Variants in CACNA2D3 observed in about 807,000 individuals in gnomAD.
CACNA2D3 encodes the protein voltage-dependent calcium channel subunit alpha-2/delta-3.
A neutral mutation model predicts 160.6 loss-of-function variants in CACNA2D3; 60 were observed. The observed-to-expected ratio is 0.37, with a 90% confidence interval of 0.30 to 0.46. The LOEUF is 0.46. Ranked by LOEUF, CACNA2D3 falls within the 20% of genes least tolerant of loss-of-function variation. The probability of loss-of-function intolerance (pLI) is 1.00; values close to 1 mark genes in which losing one functional copy is unlikely to be tolerated. For synonymous variants in CACNA2D3, 558 were observed against 492.9 expected (o/e 1.13, Z -1.75); for missense variants, 1,205 against 1,365.0 (o/e 0.88, Z 1.85).
intron 2 of CACNA2D3, among the ~76,000 whole-genome samples, chr3:54,308,245 G>T (rs1012022015): frequency 6.6e-6 from 1 of 152,196 alleles, no homozygotes; most frequent in Non-Finnish European, 1.5e-5. Context: ...GATTTAAGCT[G>T]CTTCTTCCAT....
At position 54,511,803 on chromosome 3, in the gene CACNA2D3, T is replaced by C. The variant is rs141633580; in HGVS notation, c.544+8149T>C. The stretch of plus-strand genomic sequence containing the variant: ...TACAGTAATAGTAGGGAGCTGGAGT[T>C]TGTAGATGATTTATTTTTAAAAAAT... On this transcript the variant is annotated intron_variant, in intron 5 of 37. Coordinates refer to ENST00000474759, the MANE Select transcript of CACNA2D3 (RefSeq NM_018398.3). Among the ~76,000 whole-genome samples, 1,160 of 152,216 alleles carry C rather than the reference T, an allele frequency of 7.6e-3. 7 individuals are homozygous for C. Among genetic ancestry groups the C allele is most frequent in the Admixed American group, 0.014 (210 of 15,292 alleles).
intron 13 of CACNA2D3, among the ~76,000 whole-genome samples, chr3:54,786,487 C>T (rs1233850495): frequency 6.6e-6 from 1 of 152,190 alleles, no homozygotes; most frequent in Non-Finnish European, 1.5e-5. Flanking sequence ...AGTTATTATA[C>T]AATACAGTAT....
chr3:55,059,371 A>G (rs1704444667), intron 35 of CACNA2D3, among the ~76,000 whole-genome samples: 2 of 152,170 alleles, frequency 1.3e-5, no homozygotes, highest in Admixed American at 6.5e-5. Flanking sequence ...GCCCAAACAC[A>G]TTTCCACATG....
chr3:54,200,676 C>T (rs555192025), intron 2 of CACNA2D3, among the ~76,000 whole-genome samples: 1 of 152,326 alleles, frequency 6.6e-6, no homozygotes, highest in African/African-American at 2.4e-5. Flanking sequence ...TTTCTCATTT[C>T]AGCATCCATT....
At chr3:54,392,595 C>G (rs1699300303) in intron 4 of CACNA2D3, among the ~76,000 whole-genome samples, 1 of 152,126 alleles carries the variant, frequency 6.6e-6, no homozygotes, top group African/African-American at 2.4e-5. Flanking sequence ...AGCACACTTC[C>G]TCCTGGTCCT....
In CACNA2D3 at chr3:54,900,160, T is replaced by C. The variant is rs1279975247; in HGVS notation, c.2449+292T>C. ...GAGAATTTCTTGATGGTAGGTAGCATGTTCATTCAAAGTAAACTCCAGATC... is the reference window on the plus strand; with the variant it reads ...GAGAATTTCTTGATGGTAGGTAGCACGTTCATTCAAAGTAAACTCCAGATC... On this transcript the variant is annotated intron_variant, in intron 27 of 37. Transcript: ENST00000474759. Among the ~76,000 whole-genome samples, 6 of 152,192 alleles carry C rather than the reference T, an allele frequency of 3.9e-5. No individual in the cohort carries two copies. In the East Asian group the frequency reaches 1.2e-3, roughly 29 times the overall value.
chr3:54,606,392 GGT>G (rs1698626199), intron 9 of CACNA2D3, among the ~76,000 whole-genome samples: 2 of 152,066 alleles, frequency 1.3e-5, no homozygotes, highest in African/African-American at 4.8e-5. Context: ...CCAGTTAGAA[GGT>G]TACTGCCAAG....
rs539344034 is a variant in CACNA2D3, at chr3:54,834,365, G to A, written c.1399-2794G>A. ...CTTTATAGCATTAACGATTAATCAAGGAGTCAGAATATGGGAAGACTTCTA... is the reference window on the plus strand; with the variant it reads ...CTTTATAGCATTAACGATTAATCAAAGAGTCAGAATATGGGAAGACTTCTA... On this transcript the variant is annotated intron_variant, in intron 14 of 37. Coordinates refer to ENST00000474759, the MANE Select transcript of CACNA2D3 (RefSeq NM_018398.3). 4.1e-4 allele frequency among the ~76,000 whole-genome samples: 63 copies of A among 152,306 alleles called. No individual in the cohort carries two copies. The South Asian group carries it at 0.013, about 31-fold the overall frequency.
chr3:54,493,184 TCTC>T (rs1423981493), intron 4 of CACNA2D3, among the ~76,000 whole-genome samples: 1 of 146,472 alleles, frequency 6.8e-6, no homozygotes, highest in African/African-American at 2.5e-5. Flanking sequence ...TTCAAGCAAT[TCTC>T]CTGCCTCAGC....
chr3:54,591,341 T>G (rs1213041655), intron 9 of CACNA2D3, among the ~76,000 whole-genome samples: 2 of 152,084 alleles, frequency 1.3e-5, no homozygotes, highest in Non-Finnish European at 2.9e-5. Flanking sequence ...TCTGGAGCCA[T>G]GATTGAATCT....
intron 2 of CACNA2D3, among the ~76,000 whole-genome samples, chr3:54,290,809 A>G (rs936538313): frequency 6.6e-6 from 1 of 152,158 alleles, no homozygotes; most frequent in South Asian, 2.1e-4. Context: ...TATCGCAAGG[A>G]TAAAAAACCA....
At chr3:54,904,407 C>T (rs1183849859) in intron 27 of CACNA2D3, among the ~76,000 whole-genome samples, 3 of 152,114 alleles carry the variant, frequency 2.0e-5, no homozygotes, top group Admixed American at 1.3e-4. Flanking sequence ...CTCCTCAAAT[C>T]GTCTGTCTGA....
chr3:54,905,711 A>G (rs1031132438), intron 27 of CACNA2D3, among the ~76,000 whole-genome samples: 1 of 152,176 alleles, frequency 6.6e-6, no homozygotes. Flanking sequence ...TCTAGTGGGT[A>G]GAGGTCAGGA....
intron 35 of CACNA2D3, among the ~76,000 whole-genome samples, chr3:55,055,462 G>A (rs1035772881): frequency 6.6e-6 from 1 of 152,026 alleles, no homozygotes; most frequent in Non-Finnish European, 1.5e-5. Flanking sequence ...TTGTTGTATA[G>A]TTTGAAATTA....
chr3:54,137,339 TTG>T lies in CACNA2D3; in HGVS notation c.204+13748_204+13749del, dbSNP rs535064392. The stretch of plus-strand genomic sequence containing the variant: ...CACAGTTGAGTGGCCATTCTCCAAT[TTG>T]TGAGATGGAGGGAAATTTGTTGACC... On this transcript the variant is annotated intron_variant, in intron 2 of 37. Coordinates refer to ENST00000474759, the MANE Select transcript of CACNA2D3 (RefSeq NM_018398.3). Among the ~76,000 whole-genome samples the T allele has an allele frequency of 3.4e-3, 522 of 152,302 alleles. 2 individuals are homozygous for T. The highest frequency in any genetic ancestry group is 0.011 in the African/African-American group (475 of 41,568).
chr3:54,682,161 G>GCACACACACACA (rs138753206), intron 11 of CACNA2D3, among the ~76,000 whole-genome samples: 16 of 144,668 alleles, frequency 1.1e-4, no homozygotes, highest in African/African-American at 3.8e-4. Context: ...AAACAGAACA[G>GCACACACACACA]CACACACACA....
chr3:54,942,468 C>T (rs1701497207), intron 27 of CACNA2D3, among the ~76,000 whole-genome samples: 1 of 152,168 alleles, frequency 6.6e-6, no homozygotes, highest in Non-Finnish European at 1.5e-5. Context: ...GAGGCTGGGA[C>T]CTTGAATCTG....
intron 17 of CACNA2D3, among the ~76,000 whole-genome samples, chr3:54,860,019 C>A (rs1219751214): frequency 6.7e-6 from 1 of 149,536 alleles, no homozygotes; most frequent in Admixed American, 6.6e-5. Flanking sequence ...CACACAAACA[C>A]ACATATTCCA....
intron 5 of CACNA2D3, among the ~76,000 whole-genome samples, chr3:54,534,759 C>CA (rs11384118): frequency 0.61 from 90,855 of 148,206 alleles, 27,816 homozygotes; most frequent in Non-Finnish European, 0.64. Flanking sequence ...GTTGTCTCTA[C>CA]AAAAAAAAAA....
Sources: gnomAD v4.1 joint callset for allele counts (sites outside exome capture counted in the v4.1 genomes callset) on GRCh38, gnomAD v4.1.1 for gene constraint, MANE v1.5 for transcripts, NCBI Gene and HGNC (gene_info 2026-07-23, HGNC 2026-07-21) for gene names.